COX10: variants seen among roughly 807,000 people sequenced by gnomAD.
COX10 encodes cytochrome c oxidase assembly factor heme A:farnesyltransferase COX10, also known as protoheme IX farnesyltransferase, mitochondrial.
In COX10, 27 loss-of-function variants were observed where a neutral mutation model predicts 37.3. That is an observed-to-expected ratio of 0.72 (90% CI 0.53 to 1.00). COX10 has a LOEUF of 1.00. Ranked by LOEUF, COX10 falls within the 50% of genes least tolerant of loss-of-function variation. The pLI is 0.00. For missense variants in COX10, 475 were observed against 563.2 expected, an observed-to-expected ratio of 0.84 and a Z score of 1.59; for synonymous variants, 222 against 229.1, an observed-to-expected ratio of 0.97 and a Z score of 0.28.
intron 4 of COX10, among the ~76,000 whole-genome samples, chr17:14,148,523 T>G (rs1022099698): frequency 2.6e-5 from 4 of 152,124 alleles, no homozygotes; most frequent in African/African-American, 9.7e-5. Flanking sequence ...TGACAAACAC[T>G]TGTTGACAGC....
chr17:14,089,929 C>G (rs1426909370), intron 3 of COX10, among the ~76,000 whole-genome samples: 2 of 152,120 alleles, frequency 1.3e-5, no homozygotes, highest in African/African-American at 4.8e-5. Flanking sequence ...CACTGCCTTG[C>G]TTCCCATTAC....
chr17:14,198,357 CCTT>C (rs1379221621), intron 6 of COX10, among the ~76,000 whole-genome samples: 10 of 152,206 alleles, frequency 6.6e-5, no homozygotes, highest in Non-Finnish European at 1.0e-4. Flanking sequence ...TGCTCCCCCT[CCTT>C]CTTGCCAAGG....
chr17:14,116,991 A>T (rs148363336), intron 4 of COX10, among the ~76,000 whole-genome samples: 16 of 152,248 alleles, frequency 1.1e-4, no homozygotes, highest in African/African-American at 3.8e-4. Context: ...CATTCTTTTC[A>T]TGTTATTTAT....
At chr17:14,130,263 A>G (rs1209170595) in intron 4 of COX10, among the ~76,000 whole-genome samples, 3 of 152,102 alleles carry the variant, frequency 2.0e-5, no homozygotes, top group Non-Finnish European at 4.4e-5. Context: ...GGCACTGGAT[A>G]TGTGTTGTTC....
chr17:14,182,731 G>C (rs553825980), intron 5 of COX10, among the ~76,000 whole-genome samples: 1 of 151,822 alleles, frequency 6.6e-6, no homozygotes, highest in Admixed American at 6.6e-5. Flanking sequence ...GTCATTTATT[G>C]TGGAAGAATG....
At chr17:14,184,670 C>G (rs1905972653) in intron 5 of COX10, among the ~76,000 whole-genome samples, 1 of 152,234 alleles carries the variant, frequency 6.6e-6, no homozygotes, top group African/African-American at 2.4e-5. Context: ...TAATTGATAA[C>G]AGAGCTAGTT....
At chr17:14,129,017 G>T (rs1020906709) in intron 4 of COX10, among the ~76,000 whole-genome samples, 1 of 152,186 alleles carries the variant, frequency 6.6e-6, no homozygotes, top group Admixed American at 6.5e-5. Context: ...GCTAATTTTT[G>T]TATTTTTAGT....
chr17:14,167,836 A>G (rs1248730077), intron 5 of COX10, among the ~76,000 whole-genome samples: 1 of 152,190 alleles, frequency 6.6e-6, no homozygotes, highest in East Asian at 1.9e-4. Flanking sequence ...GAGAATTACA[A>G]TTTGAGATGG....
chr17:14,198,177 A>T (rs1906423948), intron 6 of COX10, among the ~76,000 whole-genome samples: 1 of 152,080 alleles, frequency 6.6e-6, no homozygotes, highest in Non-Finnish European at 1.5e-5. Flanking sequence ...GACCTGCTGG[A>T]GCCGCGGTGA....
chr17:14,182,311 T>C (rs547393524), intron 5 of COX10: 1 of 827,592 alleles, frequency 1.2e-6, no homozygotes, highest in African/African-American at 1.9e-5. Flanking sequence ...AATAAAAAGG[T>C]GTCTGTGTAT....
At chr17:14,156,810 C>T in intron 4 of COX10, among the ~76,000 whole-genome samples, 1 of 152,146 alleles carries the variant, frequency 6.6e-6, no homozygotes, top group East Asian at 1.9e-4. Flanking sequence ...TCTCTGGACT[C>T]CCATAATCCT....
chr17:14,172,637 T>A (rs565567397), intron 5 of COX10, among the ~76,000 whole-genome samples: 7 of 144,770 alleles, frequency 4.8e-5, no homozygotes, highest in African/African-American at 1.8e-4. Context: ...TGGAGTGCAG[T>A]GGCAGGACTA....
At chr17:14,083,522 G>A (rs957865370) in intron 3 of COX10, among the ~76,000 whole-genome samples, 2 of 152,128 alleles carry the variant, frequency 1.3e-5, no homozygotes, top group African/African-American at 2.4e-5. Context: ...GTTTATAGCT[G>A]TAATATACGG....
At chr17:14,165,045 C>T (rs1361332149) in intron 5 of COX10, among the ~76,000 whole-genome samples, 1 of 152,086 alleles carries the variant, frequency 6.6e-6, no homozygotes, top group Non-Finnish European at 1.5e-5. Context: ...CATGTCACCC[C>T]GTACAGAGGG....
intron 3 of COX10, among the ~76,000 whole-genome samples, chr17:14,097,925 A>G (rs1597499510): frequency 6.6e-6 from 1 of 152,162 alleles, no homozygotes; most frequent in Admixed American, 6.5e-5. Flanking sequence ...TGTAAATGCT[A>G]TGTAAATAAT....
chr17:14,126,885 A>C (rs1916353248), intron 4 of COX10, among the ~76,000 whole-genome samples: 1 of 152,142 alleles, frequency 6.6e-6, no homozygotes. Flanking sequence ...TTTAAATATT[A>C]ATCAGTATGA....
chr17:14,120,196 G>A (rs188413750), intron 4 of COX10, among the ~76,000 whole-genome samples: 1 of 152,112 alleles, frequency 6.6e-6, no homozygotes, highest in Admixed American at 6.5e-5. Context: ...GTTCAGTTTT[G>A]GACATGTTGA....
chr17:14,074,246 T>A lies in COX10; in HGVS notation c.44-77T>A, dbSNP rs1915093523. On this transcript the variant is annotated intron_variant, in intron 1 of 6. Coordinates refer to ENST00000261643, the MANE Select transcript of COX10 (RefSeq NM_001303.4). Reference sequence around the variant, plus strand: ...CGCTTACCTTAGTGGCTGGCTTTGCTTCTGGGGAGGTGTAGTCATCATTTG... The same window carrying A: ...CGCTTACCTTAGTGGCTGGCTTTGCATCTGGGGAGGTGTAGTCATCATTTG... The A allele has an allele frequency of 7.7e-6, 12 of 1,566,922 alleles. No individual in the cohort carries two copies. In the South Asian group the frequency reaches 1.1e-4, roughly 14 times the overall value.
At chr17:14,192,414 A>C (rs1464574462) in intron 6 of COX10, among the ~76,000 whole-genome samples, 193 bp downstream of exon 6, 1 of 152,192 alleles carries the variant, frequency 6.6e-6, no homozygotes, top group East Asian at 1.9e-4. Flanking sequence ...TGGTGGGTGC[A>C]CATGACATAC....
Sources: allele counts gnomAD v4.1 joint callset (sites outside exome capture counted in the v4.1 genomes callset), GRCh38; gene constraint gnomAD v4.1.1; transcripts MANE v1.5; gene names NCBI Gene and HGNC (gene_info 2026-07-23, HGNC 2026-07-21).